PTPRM: variants seen among roughly 807,000 people sequenced by gnomAD.
The protein encoded by PTPRM is receptor-type tyrosine-protein phosphatase mu.
PTPRM carries 47 observed loss-of-function variants against 186.7 expected under a neutral mutation model. That is an observed-to-expected ratio of 0.25 (90% confidence interval 0.20 to 0.32). The LOEUF (loss-of-function observed/expected upper bound fraction) is 0.32, where lower values mean the gene tolerates loss of function less well. Ranked by LOEUF, PTPRM falls within the 10% of genes least tolerant of loss-of-function variation. PTPRM has a pLI of 1.00. For missense variants in PTPRM, 1,494 were observed against 1,865.0 expected (o/e 0.80, Z 3.66); for synonymous variants, 668 against 674.9 (o/e 0.99, Z 0.16).
intron 19 of PTPRM, among the ~76,000 whole-genome samples, chr18:8,274,764 C>G (rs2094813967): frequency 1.3e-5 from 2 of 152,184 alleles, no homozygotes; most frequent in African/African-American, 4.8e-5. Context: ...AAACTTTGAG[C>G]CAGAGTGGAT....
chr18:8,383,741 A>C (rs975233597), intron 29 of PTPRM, among the ~76,000 whole-genome samples: 2 of 152,250 alleles, frequency 1.3e-5, no homozygotes, highest in Non-Finnish European at 2.9e-5. Flanking sequence ...GAACATAAAA[A>C]TGCAACCCAA....
At chr18:7,942,299 A>AAAAT (rs530470227) in intron 5 of PTPRM, among the ~76,000 whole-genome samples, 23 of 151,126 alleles carry the variant, frequency 1.5e-4, no homozygotes, top group African/African-American at 2.4e-4. Context: ...AAAAAAAAAA[A>AAAAT]TATTTAATAC....
At chr18:7,890,651 G>C (rs1599319031) in intron 3 of PTPRM, among the ~76,000 whole-genome samples, 1 of 152,198 alleles carries the variant, frequency 6.6e-6, no homozygotes, top group Admixed American at 6.5e-5. Context: ...CTTAAATCTA[G>C]CAGTCCACTA....
intron 7 of PTPRM, among the ~76,000 whole-genome samples, chr18:7,956,837 C>A (rs1358453729): frequency 6.6e-6 from 1 of 152,188 alleles, no homozygotes; most frequent in African/African-American, 2.4e-5. Context: ...ATAATACTGC[C>A]TATATCATTT....
chr18:8,326,328 A>G (rs1810639444), intron 22 of PTPRM, among the ~76,000 whole-genome samples: 1 of 152,236 alleles, frequency 6.6e-6, no homozygotes, highest in Admixed American at 6.5e-5. Flanking sequence ...ATGGATAGGA[A>G]GAAGCAATAT....
At chr18:8,078,547 C>G (rs1338838955) in intron 9 of PTPRM, among the ~76,000 whole-genome samples, 1 of 152,164 alleles carries the variant, frequency 6.6e-6, no homozygotes, top group African/African-American at 2.4e-5. Context: ...ACAGGTGTTT[C>G]TTTAAGGGAG....
At chr18:8,063,878 C>T (rs1436351539) in intron 7 of PTPRM, among the ~76,000 whole-genome samples, 1 of 152,122 alleles carries the variant, frequency 6.6e-6, no homozygotes, top group Non-Finnish European at 1.5e-5. Context: ...CTAGCCAAAC[C>T]AAGAACTAAG....
chr18:8,179,490 AG>A (rs2093541696), intron 14 of PTPRM, among the ~76,000 whole-genome samples: 1 of 117,444 alleles, frequency 8.5e-6, no homozygotes, highest in Non-Finnish European at 1.7e-5. Context: ...TTTTTTTTTT[AG>A]ATGGCGCCTT....
At chr18:8,284,539 A>G (rs1046907308) in intron 19 of PTPRM, among the ~76,000 whole-genome samples, 2 of 152,148 alleles carry the variant, frequency 1.3e-5, no homozygotes, top group African/African-American at 4.8e-5. Context: ...AATGCCCTCC[A>G]TGTAAAATGT....
chr18:8,143,188 A>G (rs551828684), intron 13 of PTPRM, among the ~76,000 whole-genome samples: 1 of 152,334 alleles, frequency 6.6e-6, no homozygotes, highest in African/African-American at 2.4e-5. Flanking sequence ...AGCTTATCTC[A>G]GTTTTCCAGG....
intron 1 of PTPRM, among the ~76,000 whole-genome samples, chr18:7,682,764 G>C (rs986209945): frequency 2.0e-5 from 3 of 152,174 alleles, no homozygotes; most frequent in African/African-American, 7.2e-5. Flanking sequence ...GAAGGGGCTT[G>C]GAGGAAGTCG....
At chr18:8,029,407 C>T (rs1212941896) in intron 7 of PTPRM, among the ~76,000 whole-genome samples, 1 of 149,896 alleles carries the variant, frequency 6.7e-6, no homozygotes, top group Non-Finnish European at 1.5e-5. Flanking sequence ...AGTGCCCCTC[C>T]CCCACCTGTC....
At chr18:8,072,229 T>C (rs2089525279) in intron 8 of PTPRM, among the ~76,000 whole-genome samples, 1 of 152,194 alleles carries the variant, frequency 6.6e-6, no homozygotes, top group Admixed American at 6.5e-5. Flanking sequence ...TAAACAATAA[T>C]GGTTACATCA....
intron 23 of PTPRM, among the ~76,000 whole-genome samples, chr18:8,344,444 GTGTGTATATA>G (rs1434402015): frequency 3.1e-5 from 4 of 129,524 alleles, no homozygotes; most frequent in Admixed American, 7.8e-5. Context: ...GTGTGTGTGT[GTGTGTATATA>G]TATATATATA....
intron 7 of PTPRM, among the ~76,000 whole-genome samples, chr18:8,068,848 C>G (rs777073502): frequency 1.3e-5 from 2 of 152,158 alleles, no homozygotes; most frequent in South Asian, 4.1e-4. Context: ...GCCTGTAGTC[C>G]CAGCACTTTG....
chr18:7,718,307 G>T lies in PTPRM; in HGVS notation c.74-55842G>T, dbSNP rs191621987. Among the ~76,000 whole-genome samples, 196 of 152,230 alleles carry T rather than the reference G, an allele frequency of 1.3e-3. 1 individual carries two copies. Among genetic ancestry groups the T allele is most frequent in the Admixed American group, 2.2e-3 (33 of 15,294 alleles). On this transcript the variant is annotated intron_variant, in intron 1 of 32. Coordinates refer to ENST00000580170, the MANE Select transcript of PTPRM (RefSeq NM_001105244.2). Reference sequence around the variant, plus strand: ...GACAAAGCATATAAATACATAAAGTGGGGGAAGGACACCCTATTCAATAAA... The same window carrying T: ...GACAAAGCATATAAATACATAAAGTTGGGGAAGGACACCCTATTCAATAAA...
chr18:8,333,781 G>C (rs2095424189), intron 22 of PTPRM, among the ~76,000 whole-genome samples: 1 of 152,182 alleles, frequency 6.6e-6, no homozygotes, highest in South Asian at 2.1e-4. Flanking sequence ...AGGGAGCCCA[G>C]GTTTCCTGCA....
rs143898481 is a variant in PTPRM, at chr18:8,034,306, C to A, written c.1133-35380C>A. Among the ~76,000 whole-genome samples, 443 of 152,186 alleles carry A rather than the reference C, an allele frequency of 2.9e-3. 1 individual carries two copies. The highest frequency in any genetic ancestry group is 0.014 in the Middle Eastern group (4 of 294). On this transcript the variant is annotated intron_variant, in intron 7 of 32. Transcript: ENST00000580170. ...ATCCCAACATCTAAAAGTCTCAACCCACTATAGTGTCAAATCTAAGTCCAA... is the reference window on the plus strand; with the variant it reads ...ATCCCAACATCTAAAAGTCTCAACCAACTATAGTGTCAAATCTAAGTCCAA...
Position 8,406,450 on chromosome 18 carries a change from A to G in PTPRM, c.*288A>G. 1 of 363,196 alleles carries G rather than the reference A, an allele frequency of 2.8e-6. No homozygotes were observed. The highest frequency in any genetic ancestry group is 4.9e-5 in the South Asian group (1 of 20,276). 22.5% of individuals were successfully genotyped at this position (363,196 alleles called of 1,614,324 possible). A position where few individuals can be genotyped will look rare whatever the true frequency, so the allele number is the denominator to read the frequency against. Reference sequence around the variant, plus strand: ...AGCTGGTAAACTGAAGAGCACAACTATATTCTTATGAAGGAATTTGTACCT... The same window carrying G: ...AGCTGGTAAACTGAAGAGCACAACTGTATTCTTATGAAGGAATTTGTACCT... On this transcript the variant is annotated 3_prime_UTR_variant, in exon 33 of 33. Transcript: ENST00000580170.
Sources: gnomAD v4.1 joint callset for allele counts (sites outside exome capture counted in the v4.1 genomes callset) on GRCh38, gnomAD v4.1.1 for gene constraint, MANE v1.5 for transcripts, NCBI Gene and HGNC (gene_info 2026-07-23, HGNC 2026-07-21) for gene names.